The following MTMR3 variants were observed in gnomAD, a reference collection of about 807,000 sequenced individuals.
The protein encoded by MTMR3 is phosphatidylinositol-3,5-bisphosphate 3-phosphatase MTMR3.
In MTMR3, 32 loss-of-function variants were observed where a neutral mutation model predicts 132.4. The ratio of observed to expected loss-of-function variants is 0.24; its 90% CI spans 0.18 to 0.32. The LOEUF (loss-of-function observed/expected upper bound fraction) is 0.32. Ranked by LOEUF, MTMR3 falls within the 10% of genes least tolerant of loss-of-function variation. MTMR3 has a pLI of 1.00. For synonymous variants in MTMR3, 556 were observed against 550.3 expected (o/e 1.01, Z -0.14); for missense variants, 1,216 against 1,489.6 (o/e 0.82, Z 3.02).
At chr22:29,883,847 A>G (rs930165091) in intron 1 of MTMR3, among the ~76,000 whole-genome samples, 1 of 152,104 alleles carries the variant, frequency 6.6e-6, no homozygotes, top group Non-Finnish European at 1.5e-5. Context: ...GCCTTGTGGA[A>G]AGGAGGAGTG....
intron 3 of MTMR3, among the ~76,000 whole-genome samples, chr22:29,971,622 C>T (rs1465622816): frequency 6.6e-6 from 1 of 152,144 alleles, no homozygotes; most frequent in East Asian, 1.9e-4. Flanking sequence ...TCCCTACCTT[C>T]CCTGTTTTGT....
rs1353929236 is a variant in MTMR3, at chr22:30,013,538, C to G, written c.1500C>G (p.Phe500Leu). ...GCTCTTTTGAGTTCAATGAAGCATT[C>G]CTTGTAAGTTTCTTCATTTTGGGGA... Reference protein sequence around the residue: ...FPCSFEFNEAFLVKLVQHTYS... With the variant: ...FPCSFEFNEALLVKLVQHTYS... Residue 500 changes from phenylalanine to leucine, a missense_variant, in exon 14 of 20, where the codon TTC becomes TTG. Phe to Leu is a conservative substitution (Grantham distance 22, BLOSUM62 0). Around this residue, in one of 7 missense-constraint regions of MTMR3, gnomAD observed 106 missense variants for 209.5 expected, o/e 0.51. Coordinates refer to ENST00000401950, the MANE Select transcript of MTMR3 (RefSeq NM_021090.4). 6.2e-7 allele frequency: 1 copy of G among 1,613,040 alleles called. No homozygotes were observed. Among genetic ancestry groups the G allele is most frequent in the Admixed American group, 1.7e-5 (1 of 59,938 alleles).
chr22:30,007,445 A>G, intron 10 of MTMR3, 126 bp downstream of exon 10: 1 of 939,074 alleles, frequency 1.1e-6, no homozygotes, highest in Non-Finnish European at 1.6e-6. Context: ...GCTTCACTTG[A>G]TGGGATTGAT....
intron 19 of MTMR3, chr22:30,023,952 A>G (rs1322680730): frequency 6.4e-6 from 1 of 156,728 alleles, no homozygotes; most frequent in African/African-American, 2.4e-5. Context: ...GAAGACTTCA[A>G]GGAAAGATTC....
At chr22:29,961,168 C>G (rs771157176) in intron 2 of MTMR3, among the ~76,000 whole-genome samples, 2 of 151,624 alleles carry the variant, frequency 1.3e-5, no homozygotes, top group African/African-American at 2.4e-5. Flanking sequence ...CAATAATAAC[C>G]CCTCTGCAAC....
chr22:29,966,452 A>G (rs541555752), intron 2 of MTMR3, among the ~76,000 whole-genome samples: 1 of 152,228 alleles, frequency 6.6e-6, no homozygotes, highest in African/African-American at 2.4e-5. Context: ...TTGTCTTGCT[A>G]TTTAAAGAAT....
chr22:30,012,393 A>C lies in MTMR3; in HGVS notation c.1147A>C (p.Lys383Gln). The C allele has an allele frequency of 6.2e-7, 1 of 1,613,844 alleles. No homozygotes were observed. The highest frequency in any genetic ancestry group is 8.5e-7 in the Non-Finnish European group (1 of 1,179,928). Reference protein sequence around the residue: ...GNWLSALESTKWLHHLSVLLK... With the variant: ...GNWLSALESTQWLHHLSVLLK... ...TTGGCTATCAGCTCTTGAAAGCACA[A>C]AATGGCTCCATCACTTGTCTGTGCT... Residue 383 changes from lysine (K) to glutamine (Q), a missense_variant, in exon 13 of 20, where the codon AAA becomes CAA. Lys to Gln is a moderately conservative substitution (Grantham distance 53). Around this residue, in one of 7 missense-constraint regions of MTMR3, gnomAD observed 106 missense variants for 209.5 expected, o/e 0.51. Coordinates refer to ENST00000401950, the MANE Select transcript of MTMR3 (RefSeq NM_021090.4).
intron 1 of MTMR3, among the ~76,000 whole-genome samples, chr22:29,894,672 T>G (rs1035151515): frequency 5.3e-5 from 8 of 152,132 alleles, no homozygotes; most frequent in Non-Finnish European, 1.2e-4. Context: ...TATTGGAGTT[T>G]TGGTGTTAAT....
At chr22:29,933,593 G>T (rs2065687689) in intron 1 of MTMR3, among the ~76,000 whole-genome samples, 1 of 152,104 alleles carries the variant, frequency 6.6e-6, no homozygotes, top group Non-Finnish European at 1.5e-5. Flanking sequence ...TTCACTGGGT[G>T]GTTGTCACCA....
chr22:30,007,965 C>T lies in MTMR3; in HGVS notation c.942C>T (p.Ile314=). The T allele has an allele frequency of 6.2e-7, 1 of 1,613,604 alleles. No homozygotes were observed. The highest frequency in any genetic ancestry group is 8.5e-7 in the Non-Finnish European group (1 of 1,180,010). Residue 314 remains isoleucine, a synonymous_variant, in exon 11 of 20, where the codon ATC becomes ATT. Coordinates refer to ENST00000401950, the MANE Select transcript of MTMR3 (RefSeq NM_021090.4). ...SLAIQPQKLL[I]LDARSYAAAV... is the part of the protein sequence containing the mutation. The stretch of plus-strand genomic sequence containing the variant: ...CCATCCAACCGCAGAAGCTTTTGAT[C>T]TTGGATGCACGCTCCTATGCAGCTG...
Position 29,967,194 on chromosome 22 carries a change from TG to T in MTMR3, c.-84-3781del, listed in dbSNP as rs1205279113. Among the ~76,000 whole-genome samples the T allele has an allele frequency of 0.026, 48 of 1,840 alleles. No individual in the cohort carries two copies. In the East Asian group the frequency reaches 0.41, roughly 16 times the overall value. 1.2% of individuals were successfully genotyped at this position (1,840 alleles called of 152,430 possible). On this transcript the variant is annotated intron_variant, in intron 2 of 19. Coordinates refer to ENST00000401950, the MANE Select transcript of MTMR3 (RefSeq NM_021090.4). ...TTATATTGTTACTCTTCACCTCTGT[TG>T]TGTGTGTGTGTGTGTGTGTGTGTGT...
chr22:29,906,278 GTCTGTCTGTCTATCTATCTATCTA>G (rs1201487034), intron 1 of MTMR3, among the ~76,000 whole-genome samples: 118 of 68,338 alleles, frequency 1.7e-3, no homozygotes, highest in South Asian at 7.7e-3. Flanking sequence ...CTGTCTGTCT[GTCTGTCTGTCTATCTATCTATCTA>G]TCTATCTATC....
At chr22:29,935,260 C>T (rs553916139) in intron 1 of MTMR3, among the ~76,000 whole-genome samples, 3 of 152,170 alleles carry the variant, frequency 2.0e-5, no homozygotes, top group Admixed American at 6.5e-5. Flanking sequence ...ATGTACAGTT[C>T]GAAGTGTTCC....
At chr22:29,926,305 G>T (rs2065516275) in intron 1 of MTMR3, among the ~76,000 whole-genome samples, 1 of 152,046 alleles carries the variant, frequency 6.6e-6, no homozygotes, top group South Asian at 2.1e-4. Context: ...GATCATTTGG[G>T]TTTTTATTAT....
intron 1 of MTMR3, among the ~76,000 whole-genome samples, chr22:29,929,503 T>C (rs937069456): frequency 6.6e-6 from 1 of 151,964 alleles, no homozygotes; most frequent in Non-Finnish European, 1.5e-5. Flanking sequence ...AGGTTTTTTC[T>C]CTCTCATGGA....
intron 6 of MTMR3, chr22:29,989,609 C>T (rs1412033968): frequency 6.6e-6 from 1 of 152,086 alleles, no homozygotes; most frequent in Non-Finnish European, 1.5e-5. Flanking sequence ...TAATGGAATA[C>T]TTCTCATGTT....
chr22:29,972,922 T>G (rs1234499630), intron 3 of MTMR3, among the ~76,000 whole-genome samples: 1 of 152,220 alleles, frequency 6.6e-6, no homozygotes, highest in Non-Finnish European at 1.5e-5. Flanking sequence ...TTTTATATAG[T>G]TAGAATGATA....
At chr22:29,905,210 A>G (rs1180773046) in intron 1 of MTMR3, among the ~76,000 whole-genome samples, 4 of 152,116 alleles carry the variant, frequency 2.6e-5, no homozygotes, top group Non-Finnish European at 5.9e-5. Flanking sequence ...GGGCATACTT[A>G]AGTCCCCCAG....
rs538520894 is a variant in MTMR3, at chr22:30,007,362, C to T, written c.877+43C>T. ...CCCATGGCAATGATTTTTATAGCAT[C>T]TAAGAACCTTTTCTTGAAATGGCCT... On this transcript the variant is annotated intron_variant, in intron 10 of 19. Coordinates refer to ENST00000401950, the MANE Select transcript of MTMR3 (RefSeq NM_021090.4). 2.4e-4 allele frequency: 371 copies of T among 1,578,212 alleles called. 6 individuals are homozygous for T. The South Asian group carries it at 3.9e-3, about 17-fold the overall frequency.
Sources: allele counts gnomAD v4.1 joint callset (sites outside exome capture counted in the v4.1 genomes callset), GRCh38; gene constraint gnomAD v4.1.1; regional missense constraint gnomAD v4.1.1; transcripts MANE v1.5; gene names NCBI Gene and HGNC (gene_info 2026-07-23, HGNC 2026-07-21).